DBP: variants seen among roughly 807,000 people sequenced by gnomAD.
The protein encoded by DBP is D site-binding protein.
DBP carries 12 observed loss-of-function variants against 21.4 expected under a neutral mutation model. The ratio of observed to expected loss-of-function variants is 0.56; its 90% CI spans 0.36 to 0.91. DBP has a LOEUF of 0.91. Among genes scored for constraint, DBP ranks in the 40% least tolerant of loss-of-function variants. DBP has a pLI of 0.01. For missense variants in DBP, 423 were observed against 473.4 expected (o/e 0.89, Z 0.99); for synonymous variants, 213 against 224.9 (o/e 0.95, Z 0.47).
chr19:48,634,270 A>G (rs1420507668), intron 2 of DBP: 1 of 154,480 alleles, frequency 6.5e-6, no homozygotes, highest in Non-Finnish European at 1.4e-5. Context: ...ATCTTAGCCA[A>G]AAGGCCGAGA....
chr19:48,635,770 G>A lies in DBP; in HGVS notation c.360C>T (p.Asp120=). ...PFGDVEYVDL[D]AFLLEHGLPP... ...GGAGCCCGTGCTCCAGCAGGAAGGC[G>A]TCCAGGTCTACGTACTCCACATCGC... The change falls in exon 2 of 4, where the codon GAC becomes GAT. Residue 120 remains aspartate (D), a synonymous_variant. Coordinates refer to ENST00000222122, the MANE Select transcript of DBP (RefSeq NM_001352.5). 2 of 1,409,818 alleles carry A rather than the reference G, an allele frequency of 1.4e-6. No individual in the cohort carries two copies. The highest frequency in any genetic ancestry group is 1.5e-5 in the South Asian group (1 of 66,176). 87.3% of individuals were successfully genotyped at this position (1,409,818 alleles called of 1,614,324 possible). A position where few individuals can be genotyped will look rare whatever the true frequency, so the allele number is the denominator to read the frequency against.
chr19:48,631,116 G>A (rs1285513570), intron 3 of DBP, 64 bp from the exon 4 acceptor site: 5 of 1,472,578 alleles, frequency 3.4e-6, no homozygotes, highest in Non-Finnish European at 4.6e-6. Flanking sequence ...GAGAGAGGAA[G>A]GGAGCCCCAG....
rs2030535100 is a variant in DBP at position 48,630,662 on chromosome 19, C to G, written c.*175G>C. 6.9e-7 allele frequency: 1 copy of G among 1,452,142 alleles called. No individual in the cohort carries two copies. The highest frequency in any genetic ancestry group is 9.1e-7 in the Non-Finnish European group (1 of 1,100,136). 90.0% of individuals were successfully genotyped at this position (1,452,142 alleles called of 1,614,324 possible). A position where few individuals can be genotyped will look rare whatever the true frequency, so the allele number is the denominator to read the frequency against. On this transcript the variant is annotated 3_prime_UTR_variant, in exon 4 of 4. Coordinates refer to ENST00000222122, the MANE Select transcript of DBP (RefSeq NM_001352.5). This position sits in a 1 kb window ranked among gnomAD's most constrained non-coding sequence, Gnocchi z 4.9. ...ACACACAGAGAACCCTCCCCGCCCC[C>G]GCAAGGGAGGGGGGAGGCTCGCTTT...
intron 3 of DBP, chr19:48,632,585 A>G (rs896618606): frequency 2.0e-5 from 3 of 152,230 alleles, no homozygotes; most frequent in African/African-American, 7.2e-5. Flanking sequence ...AAGTCTTGTA[A>G]CAGAAGCCCA....
Position 48,630,704 on chromosome 19 carries a change from T to A in DBP, c.*133A>T. 1 of 1,399,682 alleles carries A rather than the reference T, an allele frequency of 7.1e-7. No individual in the cohort carries two copies. Among genetic ancestry groups the A allele is most frequent in the Non-Finnish European group, 9.4e-7 (1 of 1,058,494 alleles). 86.7% of individuals were successfully genotyped at this position (1,399,682 alleles called of 1,614,324 possible). ...GCTCGCTTTTTCTTAAAAATATAAA[T>A]GTATTTATCTGCATTATCACGTCCC... On this transcript the variant is annotated 3_prime_UTR_variant, in exon 4 of 4. Transcript: ENST00000222122. This position sits in a 1 kb window ranked among gnomAD's most constrained non-coding sequence, Gnocchi z 4.9.
Position 48,630,704 on chromosome 19 carries a change from T to G in DBP, c.*133A>C. On this transcript the variant is annotated 3_prime_UTR_variant, in exon 4 of 4. Coordinates refer to ENST00000222122, the MANE Select transcript of DBP (RefSeq NM_001352.5). The surrounding 1 kb of genome is among the most constrained non-coding windows in gnomAD (Gnocchi z 4.9). The stretch of plus-strand genomic sequence containing the variant: ...GCTCGCTTTTTCTTAAAAATATAAA[T>G]GTATTTATCTGCATTATCACGTCCC... The G allele has an allele frequency of 4.3e-6, 6 of 1,399,682 alleles. No homozygotes were observed. The highest frequency in any genetic ancestry group is 5.7e-6 in the Non-Finnish European group (6 of 1,058,494). The allele number at this position is 1,399,682 out of a possible 1,614,324, so 86.7% of individuals were successfully genotyped here.
In DBP at chr19:48,637,007, G is replaced by C. The variant is rs771266714; in HGVS notation, c.-13C>G. The C allele has an allele frequency of 1.0e-5, 15 of 1,482,330 alleles. 1 individual carries two copies. The highest frequency in any genetic ancestry group is 1.3e-5 in the Non-Finnish European group (15 of 1,120,836). The allele number at this position is 1,482,330 out of a possible 1,614,324, so 91.8% of individuals were successfully genotyped here. ...CAGGCCGCGCCATCGCCTGGCACCT[G>C]CCCCCAGGCTCACGGGTTCATGGAG... On this transcript the variant is annotated 5_prime_UTR_variant, in exon 1 of 4. Transcript: ENST00000222122.
At chr19:48,633,290 C>G (rs776172061) in intron 3 of DBP, 154 bp downstream of exon 3, 4 of 792,468 alleles carry the variant, frequency 5.0e-6, no homozygotes, top group Non-Finnish European at 6.5e-6. Flanking sequence ...CCTTGTGCCC[C>G]GTGGCCAAGG....
chr19:48,636,757 C>T (rs1457252017), intron 1 of DBP, 99 bp downstream of exon 1: 6 of 1,397,096 alleles, frequency 4.3e-6, no homozygotes, highest in African/African-American at 1.4e-5. Flanking sequence ...GGAAGATGGA[C>T]TCCCCGCACG....
Position 48,633,129 on chromosome 19 carries a change from T to C in DBP, c.762+315A>G, listed in dbSNP as rs10403580. On this transcript the variant is annotated intron_variant, in intron 3 of 3. Transcript: ENST00000222122. ...CCACCTCAGCCTCCCAAGTGGCTTGTAGAAATGGGGTTTTGCCATGTTGCC... is the reference window on the plus strand; with the variant it reads ...CCACCTCAGCCTCCCAAGTGGCTTGCAGAAATGGGGTTTTGCCATGTTGCC... 8.9e-3 allele frequency: 5,000 copies of C among 564,084 alleles called. 134 individuals are homozygous for C. The highest frequency in any genetic ancestry group is 0.07 in the African/African-American group (3,710 of 53,246). 34.9% of individuals were successfully genotyped at this position (564,084 alleles called of 1,614,324 possible). A position where few individuals can be genotyped will look rare whatever the true frequency, so the allele number is the denominator to read the frequency against.
chr19:48,631,131 G>C (rs3745734), intron 3 of DBP, 79 bp from the exon 4 acceptor site: 98,110 of 1,345,256 alleles, frequency 0.073, 9,083 homozygotes, highest in African/African-American at 0.38. Flanking sequence ...CCCCAGCAGC[G>C]GGGCCTAAAC....
intron 3 of DBP, chr19:48,633,213 C>T (rs968000688): frequency 1.6e-6 from 1 of 616,136 alleles, no homozygotes; most frequent in Non-Finnish European, 2.9e-6. Context: ...CCCTAAAATG[C>T]TGGGATTACA....
rs2030757289 is a variant in DBP, at chr19:48,635,616, G to C, written c.514C>G (p.Arg172Gly). 7 of 1,344,796 alleles carry C rather than the reference G, an allele frequency of 5.2e-6. No homozygotes were observed. The highest frequency in any genetic ancestry group is 3.2e-5 in the East Asian group (1 of 31,632). 83.3% of individuals were successfully genotyped at this position (1,344,796 alleles called of 1,614,324 possible). Residue 172 changes from arginine (R) to glycine (G), a missense_variant, in exon 2 of 4, where the codon CGG becomes GGG. Physicochemically the swap from Arg to Gly is moderately radical, Grantham distance 125. This residue lies in a region of DBP where 283 missense variants were observed against 273.7 expected (regional missense o/e 1.03). Transcript: ENST00000222122. ...CCGCTGGCGGTCCCGAGGGCAGCCC[G>C]GGCGGGGGCGTGCCCAGGAGAGGAG... ...PRSSPGHAPA[R>G]AALGTASGHR...
intron 3 of DBP, chr19:48,633,228 T>C: frequency 1.6e-6 from 1 of 635,176 alleles, no homozygotes; most frequent in South Asian, 1.8e-5. Flanking sequence ...ATTACACGAG[T>C]GAGGCCCCTC....
In DBP at chr19:48,630,670, A is replaced by G. The variant is rs2030535710; in HGVS notation, c.*167T>C. ...AGAACCCTCCCCGCCCCCGCAAGGG[A>G]GGGGGGAGGCTCGCTTTTTCTTAAA... On this transcript the variant is annotated 3_prime_UTR_variant, in exon 4 of 4. Transcript: ENST00000222122. This position sits in a 1 kb window ranked among gnomAD's most constrained non-coding sequence, Gnocchi z 4.9. 1.4e-6 allele frequency: 2 copies of G among 1,422,510 alleles called. No individual in the cohort carries two copies. Among genetic ancestry groups the G allele is most frequent in the Non-Finnish European group, 1.9e-6 (2 of 1,075,866 alleles). 88.1% of individuals were successfully genotyped at this position (1,422,510 alleles called of 1,614,324 possible).
At chr19:48,635,381 C>T in intron 2 of DBP, 199 bp downstream of exon 2, 1 of 1,416,668 alleles carries the variant, frequency 7.1e-7, no homozygotes, top group Non-Finnish European at 9.2e-7. Flanking sequence ...CCAAGTCTCT[C>T]CTCCCCCATG....
intron 2 of DBP, chr19:48,635,301 T>C (rs1318175983): frequency 6.6e-5 from 82 of 1,250,130 alleles, no homozygotes; most frequent in South Asian, 1.8e-4. Flanking sequence ...AGTATCCACA[T>C]CGTTTGTCCC....
In DBP at chr19:48,635,683, T is replaced by TGCGGGCGTCCGC; in HGVS notation, c.435_446dup (p.Arg146_Ala149dup). The TGCGGGCGTCCGC allele has an allele frequency of 7.6e-7, 1 of 1,319,402 alleles. No individual in the cohort carries two copies. Among genetic ancestry groups the TGCGGGCGTCCGC allele is most frequent in the Non-Finnish European group, 9.6e-7 (1 of 1,042,696 alleles). 81.7% of individuals were successfully genotyped at this position (1,319,402 alleles called of 1,614,324 possible). On this transcript the variant is annotated inframe_insertion, in exon 2 of 4. Coordinates refer to ENST00000222122, the MANE Select transcript of DBP (RefSeq NM_001352.5). ...CGCACGAACCCGGCCCTGGGGAGGG[T>TGCGGGCGTCCGC]GCGGGCGTCCGCGCGGGCGACGGCT... is the stretch of plus-strand genomic sequence containing the variant.
Position 48,630,292 on chromosome 19 carries a change from G to T in DBP, c.*545C>A. On this transcript the variant is annotated 3_prime_UTR_variant, in exon 4 of 4. Transcript: ENST00000222122. This position sits in a 1 kb window ranked among gnomAD's most constrained non-coding sequence, Gnocchi z 4.9. Reference sequence around the variant, plus strand: ...TTGCACTAATGTTCCTCTCCCCGCGGGTGGGGGCGGGGAAATTCATATCCC... The same window carrying T: ...TTGCACTAATGTTCCTCTCCCCGCGTGTGGGGGCGGGGAAATTCATATCCC... 7.8e-7 allele frequency: 1 copy of T among 1,288,364 alleles called. No homozygotes were observed. The highest frequency in any genetic ancestry group is 9.8e-7 in the Non-Finnish European group (1 of 1,018,570). The allele number at this position is 1,288,364 out of a possible 1,614,324, so 79.8% of individuals were successfully genotyped here.
Sources: gnomAD v4.1 joint callset for allele counts on GRCh38, gnomAD v4.1.1 for gene constraint, gnomAD v4.1.1 regional missense constraint, Gnocchi (gnomAD v3.1) non-coding constraint, MANE v1.5 for transcripts, NCBI Gene and HGNC (gene_info 2026-07-23, HGNC 2026-07-21) for gene names.